Variants in AMDHD1 observed in about 807,000 individuals in gnomAD.
AMDHD1 encodes the protein probable imidazolonepropionase.
AMDHD1 carries 45 observed loss-of-function variants against 44.1 expected under a neutral mutation model. The observed-to-expected ratio is 1.02, with a 90% CI of 0.80 to 1.31. AMDHD1 has a LOEUF of 1.31. AMDHD1 is among the 50% of genes most tolerant of loss of function. The pLI is 0.00. For missense variants in AMDHD1, 586 were observed against 552.1 expected (o/e 1.06, Z -0.61); for synonymous variants, 206 against 205.0 (o/e 1.00, Z -0.04).
rs1312567234 is a variant in AMDHD1 at position 95,962,332 on chromosome 12, C to T, written c.814-23C>T. On this transcript the variant is annotated intron_variant, in intron 5 of 8. Transcript: ENST00000266736. ...CGTTGTTGCTATTTGTTAAATCTTT[C>T]CCTCTCTGCCCATTCTCCTTAGCTT... 3 of 1,596,774 alleles carry T rather than the reference C, an allele frequency of 1.9e-6. No individual in the cohort carries two copies. In the East Asian group the frequency reaches 6.8e-5, roughly 36 times the overall value.
intron 1 of AMDHD1, among the ~76,000 whole-genome samples, chr12:95,947,762 T>G (rs1474451884): frequency 9.6e-5 from 5 of 52,184 alleles, no homozygotes; most frequent in Admixed American, 1.9e-4. Context: ...GGGAGGGAGG[T>G]GGGGGGGTCA....
chr12:95,966,441 A>T lies in AMDHD1; in HGVS notation c.1126A>T (p.Lys376Ter). The T allele has an allele frequency of 6.2e-7, 1 of 1,614,246 alleles. No homozygotes were observed. The highest frequency in any genetic ancestry group is 8.5e-7 in the Non-Finnish European group (1 of 1,180,040). Residue 376 changes from lysine to a stop codon, truncating the protein, a stop_gained, in exon 8 of 9, where the codon AAG (lysine) becomes TAG (stop). Coordinates refer to ENST00000266736, the MANE Select transcript of AMDHD1 (RefSeq NM_152435.3). LOFTEE classifies it high-confidence loss of function. ...CATCAATGCAGCTTATGCACTGGGA[A>T]AGTCTCACACACACGGATCGTTGGA... ...ATINAAYALG[K>*]SHTHGSLEVG...
chr12:95,948,443 G>T lies in AMDHD1; in HGVS notation c.138-4274G>T, dbSNP rs2080511013. 2.9e-5 allele frequency among the ~76,000 whole-genome samples: 2 copies of T among 68,934 alleles called. 1 individual carries two copies. Among genetic ancestry groups the T allele is most frequent in the African/African-American group, 1.3e-4 (2 of 15,734 alleles). 45.2% of individuals were successfully genotyped at this position (68,934 alleles called of 152,430 possible). On this transcript the variant is annotated intron_variant, in intron 1 of 8. Transcript: ENST00000266736. ...TCTGCCCGGCCGCCCCTACTGGGAAGTGAGGAGCCCCTCTGCCCGGCCAGC... is the reference window on the plus strand; with the variant it reads ...TCTGCCCGGCCGCCCCTACTGGGAATTGAGGAGCCCCTCTGCCCGGCCAGC...
At chr12:95,957,518 G>A (rs1185919038) in intron 4 of AMDHD1, among the ~76,000 whole-genome samples, 1 of 152,114 alleles carries the variant, frequency 6.6e-6, no homozygotes, top group Non-Finnish European at 1.5e-5. Context: ...TTTGTCCAGA[G>A]TTCCTTTTGG....
intron 6 of AMDHD1, among the ~76,000 whole-genome samples, chr12:95,963,624 G>A (rs2080594084): frequency 6.6e-6 from 1 of 152,048 alleles, no homozygotes; most frequent in African/African-American, 2.4e-5. Context: ...AACGGTTCTT[G>A]GTATGACCAA....
In AMDHD1 at chr12:95,962,487, C is replaced by T. The variant is rs771159141; in HGVS notation, c.938+8C>T. On this transcript the variant is annotated splice_region_variant and intron_variant, in intron 6 of 8. Coordinates refer to ENST00000266736, the MANE Select transcript of AMDHD1 (RefSeq NM_152435.3). Reference sequence around the variant, plus strand: ...CACAGCCTACATGCTGAGGTAAGGTCGTTTCTCACCCCAGACCAAGAGCTG... The same window carrying T: ...CACAGCCTACATGCTGAGGTAAGGTTGTTTCTCACCCCAGACCAAGAGCTG... The T allele has an allele frequency of 5.8e-6, 9 of 1,542,108 alleles. No individual in the cohort carries two copies. Among genetic ancestry groups the T allele is most frequent in the South Asian group, 3.4e-5 (3 of 88,630 alleles).
intron 1 of AMDHD1, among the ~76,000 whole-genome samples, chr12:95,947,637 C>T (rs1418520455): frequency 4.8e-5 from 3 of 63,000 alleles, no homozygotes; most frequent in South Asian, 6.2e-4. Context: ...GGGTCAGCCC[C>T]CCGCCCGGCC....
Position 95,956,858 on chromosome 12 carries a change from C to T in AMDHD1, c.483C>T (p.Leu161=). 1 of 1,614,186 alleles carries T rather than the reference C, an allele frequency of 6.2e-7. No individual in the cohort carries two copies. Among genetic ancestry groups the T allele is most frequent in the Non-Finnish European group, 8.5e-7 (1 of 1,180,052 alleles). Residue 161 remains leucine, a synonymous_variant, in exon 4 of 9, where the codon CTC becomes CTT. Transcript: ENST00000266736. The stretch of plus-strand genomic sequence containing the variant: ...TGGAGTGCAAGAGTGGATATGGCCT[C>T]GACCTGGAGACCGAGCTCAAGATGC... ...TLVECKSGYG[L]DLETELKMLR...
At chr12:95,962,274 C>A in intron 5 of AMDHD1, 81 bp from the exon 6 acceptor site, 1 of 1,537,436 alleles carries the variant, frequency 6.5e-7, no homozygotes, top group Non-Finnish European at 8.8e-7. Context: ...AAAAATAAAA[C>A]AAACAAAGCA....
chr12:95,960,695 A>T, intron 5 of AMDHD1, 72 bp downstream of exon 5: 1 of 1,441,820 alleles, frequency 6.9e-7, no homozygotes, highest in East Asian at 2.3e-5. Flanking sequence ...AAACTTAATT[A>T]GTTTCTTCAA....
Position 95,956,830 on chromosome 12 carries a change from T to C in AMDHD1, c.455T>C (p.Leu152Pro). Residue 152 changes from leucine (L) to proline (P), a missense_variant, in exon 4 of 9, where the codon CTG becomes CCG. By Grantham distance (98) the Leu-to-Pro change is moderately conservative (BLOSUM62 -3). Transcript: ENST00000266736. ...TGCATGATGAGGGCTGGCACCACGC[T>C]GGTGGAGTGCAAGAGTGGATATGGC... ...LQCMMRAGTTLVECKSGYGLD... is the reference protein window; with the variant it reads ...LQCMMRAGTTPVECKSGYGLD... 6.2e-7 allele frequency: 1 copy of C among 1,614,114 alleles called. No homozygotes were observed. Among genetic ancestry groups the C allele is most frequent in the Admixed American group, 1.7e-5 (1 of 60,018 alleles).
chr12:95,944,990 C>A (rs1476677950), intron 1 of AMDHD1, among the ~76,000 whole-genome samples: 1 of 147,626 alleles, frequency 6.8e-6, no homozygotes, highest in Non-Finnish European at 1.5e-5. Context: ...AAACATTAGC[C>A]GGGCATGGCG....
At chr12:95,945,822 T>C (rs963042611) in intron 1 of AMDHD1, among the ~76,000 whole-genome samples, 3 of 151,994 alleles carry the variant, frequency 2.0e-5, no homozygotes, top group African/African-American at 7.3e-5. Flanking sequence ...TACCATGGTG[T>C]GTCCTGATTA....
chr12:95,957,002 A>C, intron 4 of AMDHD1, 40 bp downstream of exon 4: 3 of 1,605,872 alleles, frequency 1.9e-6, no homozygotes, highest in Non-Finnish European at 2.6e-6. Context: ...AACTCAGAGC[A>C]TTGAAAACGA....
chr12:95,958,068 A>T (rs7972690), intron 4 of AMDHD1, among the ~76,000 whole-genome samples: 33,063 of 151,454 alleles, frequency 0.22, 3,627 homozygotes, highest in East Asian at 0.28. Flanking sequence ...ATATATATAT[A>T]TTTTTTTAAT....
intron 1 of AMDHD1, among the ~76,000 whole-genome samples, chr12:95,946,479 C>T (rs1021441025): frequency 5.3e-5 from 8 of 151,956 alleles, no homozygotes; most frequent in Non-Finnish European, 2.9e-5. Context: ...AGCTCAAAGT[C>T]TACTGGGAAA....
intron 2 of AMDHD1, among the ~76,000 whole-genome samples, chr12:95,954,313 T>A (rs2080539160): frequency 6.6e-6 from 1 of 152,124 alleles, no homozygotes; most frequent in Admixed American, 6.6e-5. Flanking sequence ...CTGATGCTTG[T>A]AATCCCAGCA....
intron 4 of AMDHD1, among the ~76,000 whole-genome samples, chr12:95,957,319 A>G (rs4762652): frequency 0.53 from 81,316 of 152,050 alleles, 22,363 homozygotes; most frequent in African/African-American, 0.66. Context: ...ATGCTCTTTA[A>G]GAGGTAGCTC....
At chr12:95,963,178 T>TCACAGAAA (rs1186111987) in intron 6 of AMDHD1, among the ~76,000 whole-genome samples, 10 of 152,220 alleles carry the variant, frequency 6.6e-5, no homozygotes, top group African/African-American at 2.4e-4. Flanking sequence ...TAGGACTAGG[T>TCACAGAAA]GCTTTCTGTG....
Sources: gnomAD v4.1 joint callset for allele counts (sites outside exome capture counted in the v4.1 genomes callset) on GRCh38, gnomAD v4.1.1 for gene constraint, MANE v1.5 for transcripts, NCBI Gene and HGNC (gene_info 2026-07-23, HGNC 2026-07-21) for gene names.